CACNA1E: variants seen among roughly 807,000 people sequenced by gnomAD.
CACNA1E encodes the protein voltage-dependent R-type calcium channel subunit alpha-1E.
Under a neutral mutation model 259.2 loss-of-function variants are expected in CACNA1E, and 40 were observed. The observed-to-expected ratio is 0.15, with a 90% CI of 0.12 to 0.20. The LOEUF (loss-of-function observed/expected upper bound fraction) is 0.20. Ranked by LOEUF, CACNA1E falls within the 10% of genes least tolerant of loss-of-function variation. The pLI, the probability that CACNA1E is intolerant of heterozygous loss-of-function variation, is 1.00. For synonymous variants in CACNA1E, 1,104 were observed against 1,138.5 expected, an observed-to-expected ratio of 0.97 and a Z score of 0.61; for missense variants, 1,874 against 3,040.1, an observed-to-expected ratio of 0.62 and a Z score of 9.02.
At chr1:181,495,938 A>G (rs1379020659) in intron 1 of CACNA1E, among the ~76,000 whole-genome samples, 1 of 152,210 alleles carries the variant, frequency 6.6e-6, no homozygotes, top group Non-Finnish European at 1.5e-5. Context: ...TCCTACAGAG[A>G]TAGGCATTCT....
At chr1:181,652,657 C>T (rs528288424) in intron 7 of CACNA1E, among the ~76,000 whole-genome samples, 46 of 152,210 alleles carry the variant, frequency 3.0e-4, no homozygotes, top group African/African-American at 9.6e-4. Context: ...CTGGGGTAGG[C>T]GTGGTGCTAA....
At position 181,762,642 on chromosome 1, in the gene CACNA1E, C is replaced by T. The variant is rs549521037; in HGVS notation, c.4674C>T (p.Ile1558=). ...ITVIGSITEI[I]LTDSKLVNTS... is the part of the protein sequence containing the mutation. The stretch of plus-strand genomic sequence containing the variant: ...TGATTGGCAGTATCACAGAAATTAT[C>T]CTGACAGACAGCAAGGTGAATGGCT... The change falls in exon 33 of 48, where the codon ATC becomes ATT. Residue 1558 remains isoleucine, a synonymous_variant. Coordinates refer to ENST00000367573, the MANE Select transcript of CACNA1E (RefSeq NM_001205293.3). The T allele has an allele frequency of 6.9e-6, 11 of 1,599,474 alleles. No individual in the cohort carries two copies. The highest frequency in any genetic ancestry group is 4.5e-5 in the East Asian group (2 of 44,732).
At chr1:181,644,002 C>T (rs1008517223) in intron 6 of CACNA1E, among the ~76,000 whole-genome samples, 1 of 152,194 alleles carries the variant, frequency 6.6e-6, no homozygotes, top group African/African-American at 2.4e-5. Context: ...CTGACAGGCT[C>T]AGCCTCCTGG....
chr1:181,467,179 G>C (rs1356918284), intron 2 of CACNA1E, among the ~76,000 whole-genome samples: 1 of 152,218 alleles, frequency 6.6e-6, no homozygotes, highest in Non-Finnish European at 1.5e-5. Context: ...CGAAAGATCA[G>C]ATTCAGAAAG....
At chr1:181,625,537 G>A (rs147959497) in intron 6 of CACNA1E, among the ~76,000 whole-genome samples, 68 of 152,116 alleles carry the variant, frequency 4.5e-4, no homozygotes, top group Middle Eastern at 3.4e-3. Context: ...CTTCAACCTC[G>A]TGGACCAAGC....
intron 18 of CACNA1E, among the ~76,000 whole-genome samples, chr1:181,727,264 A>G (rs570918113): frequency 5.9e-5 from 9 of 152,318 alleles, no homozygotes; most frequent in Admixed American, 3.3e-4. Context: ...AAGAGGAGAA[A>G]TCAGCTAAGG....
At chr1:181,526,411 A>T (rs986745621) in intron 3 of CACNA1E, among the ~76,000 whole-genome samples, 1 of 116,816 alleles carries the variant, frequency 8.6e-6, no homozygotes, top group Non-Finnish European at 1.8e-5. Flanking sequence ...GCATGGTCTG[A>T]ATTTTTTTTT....
chr1:181,527,763 T>C (rs1667469103), intron 3 of CACNA1E, among the ~76,000 whole-genome samples: 1 of 152,216 alleles, frequency 6.6e-6, no homozygotes, highest in Non-Finnish European at 1.5e-5. Context: ...ATAATCAAAA[T>C]CTCATGATAG....
At chr1:181,644,488 A>C (rs138502267) in intron 6 of CACNA1E, among the ~76,000 whole-genome samples, 3 of 152,298 alleles carry the variant, frequency 2.0e-5, no homozygotes, top group Non-Finnish European at 4.4e-5. Context: ...TATGCTGTAC[A>C]TTGTATCCTT....
chr1:181,526,722 A>T (rs755491552), intron 3 of CACNA1E, among the ~76,000 whole-genome samples: 1 of 152,192 alleles, frequency 6.6e-6, no homozygotes, highest in Non-Finnish European at 1.5e-5. Flanking sequence ...ATAGTTCTGT[A>T]TTTGAAGTCT....
intron 6 of CACNA1E, among the ~76,000 whole-genome samples, chr1:181,634,622 G>T (rs942638055): frequency 3.3e-5 from 5 of 152,118 alleles, no homozygotes; most frequent in Non-Finnish European, 7.3e-5. Context: ...TCCTCCTCTT[G>T]CAGTCCCCAT....
At chr1:181,722,885 A>G (rs1654538760) in intron 16 of CACNA1E, among the ~76,000 whole-genome samples, 1 of 152,192 alleles carries the variant, frequency 6.6e-6, no homozygotes, top group Admixed American at 6.5e-5. Context: ...AACTCATGAA[A>G]AGAACACTAG....
At chr1:181,506,408 C>A (rs192917411) in intron 1 of CACNA1E, among the ~76,000 whole-genome samples, 5 of 152,294 alleles carry the variant, frequency 3.3e-5, no homozygotes, top group Non-Finnish European at 5.9e-5. Context: ...AGCCATGGCT[C>A]AGGCCAGAGT....
At chr1:181,621,997 G>A (rs910203008) in intron 6 of CACNA1E, among the ~76,000 whole-genome samples, 2 of 152,138 alleles carry the variant, frequency 1.3e-5, no homozygotes, top group Admixed American at 1.3e-4. Flanking sequence ...ATCCAGTATG[G>A]GGTCTTTGTC....
At chr1:181,507,908 G>T (rs1665844818) in intron 1 of CACNA1E, among the ~76,000 whole-genome samples, 1 of 152,136 alleles carries the variant, frequency 6.6e-6, no homozygotes, top group Non-Finnish European at 1.5e-5. Flanking sequence ...GCCCCACACT[G>T]TTGTGAACAC....
chr1:181,766,663 C>T, intron 35 of CACNA1E, 52 bp downstream of exon 35: 1 of 1,396,828 alleles, frequency 7.2e-7, no homozygotes, highest in Admixed American at 1.8e-5. Flanking sequence ...CCCAGATAAT[C>T]TCTGGCTTAG....
chr1:181,705,795 G>C (rs542346423), intron 7 of CACNA1E, among the ~76,000 whole-genome samples: 1 of 152,180 alleles, frequency 6.6e-6, no homozygotes, highest in Non-Finnish European at 1.5e-5. Flanking sequence ...CCCTGCCTCT[G>C]GTTATGAGCC....
intron 7 of CACNA1E, among the ~76,000 whole-genome samples, chr1:181,672,580 C>T (rs971321130): frequency 5.9e-5 from 9 of 152,284 alleles, no homozygotes; most frequent in Middle Eastern, 3.4e-3. Context: ...GAGGGAACCT[C>T]GAGGCCAAGG....
intron 6 of CACNA1E, among the ~76,000 whole-genome samples, chr1:181,583,406 C>T (rs1651752579): frequency 6.6e-6 from 1 of 152,154 alleles, no homozygotes; most frequent in Non-Finnish European, 1.5e-5. Context: ...GAGGGGGATC[C>T]CCTATTTCCC....
Sources: gnomAD v4.1 joint callset for allele counts (sites outside exome capture counted in the v4.1 genomes callset) on GRCh38, gnomAD v4.1.1 for gene constraint, MANE v1.5 for transcripts, NCBI Gene and HGNC (gene_info 2026-07-23, HGNC 2026-07-21) for gene names.